Variants in NAALADL2 observed in about 807,000 individuals in gnomAD.
The protein encoded by NAALADL2 is inactive N-acetylated-alpha-linked acidic dipeptidase-like protein 2.
In NAALADL2, 76 loss-of-function variants were observed where a neutral mutation model predicts 87.2. That is an observed-to-expected ratio of 0.87 (90% CI 0.72 to 1.05). The LOEUF is 1.05. Ranked by LOEUF, NAALADL2 falls within the 50% of genes least tolerant of loss-of-function variation. NAALADL2 has a pLI of 0.00. For missense variants in NAALADL2, 1,089 were observed against 945.8 expected (o/e 1.15, Z -1.99); for synonymous variants, 354 against 331.0 (o/e 1.07, Z -0.75).
At chr3:174,698,192 T>C (rs1729210118) in intron 2 of NAALADL2, among the ~76,000 whole-genome samples, 1 of 151,992 alleles carries the variant, frequency 6.6e-6, no homozygotes, top group Non-Finnish European at 1.5e-5. Context: ...TAATATTGAG[T>C]TTAATACTAG....
At chr3:175,348,863 T>TATC (rs1180127564) in intron 5 of NAALADL2, among the ~76,000 whole-genome samples, 9 of 152,160 alleles carry the variant, frequency 5.9e-5, no homozygotes, top group African/African-American at 1.9e-4. Context: ...TTATAACGTG[T>TATC]ATCTATTTTT....
intron 1 of NAALADL2, among the ~76,000 whole-genome samples, chr3:174,931,674 C>T (rs1255458740): frequency 2.0e-5 from 3 of 152,074 alleles, no homozygotes; most frequent in African/African-American, 2.4e-5. Context: ...TCCAAGTTTG[C>T]TGGGTTGTAA....
intron 5 of NAALADL2, among the ~76,000 whole-genome samples, chr3:175,423,040 TATATATATATA>T (rs1716019069): frequency 8.9e-6 from 1 of 112,114 alleles, no homozygotes; most frequent in Non-Finnish European, 1.8e-5. Context: ...TATATATATA[TATATATATATA>T]TTTTTTTTTT....
intron 2 of NAALADL2, among the ~76,000 whole-genome samples, chr3:174,694,812 ATATAT>A (rs569314910): frequency 8.5e-4 from 130 of 152,176 alleles, no homozygotes; most frequent in South Asian, 5.8e-3. Context: ...CACAAATAAA[ATATAT>A]TAAAATAGAA....
At chr3:175,556,995 C>A (rs772024256) in intron 9 of NAALADL2, among the ~76,000 whole-genome samples, 2 of 152,166 alleles carry the variant, frequency 1.3e-5, no homozygotes, top group Non-Finnish European at 2.9e-5. Flanking sequence ...AGGGTTTACA[C>A]CAGCTCATTG....
chr3:175,267,112 C>A (rs1752060717), intron 4 of NAALADL2, among the ~76,000 whole-genome samples: 1 of 151,584 alleles, frequency 6.6e-6, no homozygotes, highest in Non-Finnish European at 1.5e-5. Context: ...ATATAACAGG[C>A]AGGCAAGCAT....
intron 1 of NAALADL2, among the ~76,000 whole-genome samples, chr3:174,925,430 A>G (rs1735867349): frequency 6.6e-6 from 1 of 152,104 alleles, no homozygotes; most frequent in Non-Finnish European, 1.5e-5. Flanking sequence ...ACTGGTCTAT[A>G]TCTCTGTTTT....
intron 11 of NAALADL2, among the ~76,000 whole-genome samples, chr3:175,649,278 G>A (rs1345153439): frequency 6.6e-6 from 1 of 151,952 alleles, no homozygotes; most frequent in African/African-American, 2.4e-5. Flanking sequence ...ACATAAAATA[G>A]TCTCACATTT....
At chr3:175,161,815 C>T (rs1303067730) in intron 2 of NAALADL2, among the ~76,000 whole-genome samples, 2 of 152,020 alleles carry the variant, frequency 1.3e-5, no homozygotes, top group Non-Finnish European at 2.9e-5. Flanking sequence ...AATGACTTGG[C>T]GGTCTGTGTC....
chr3:174,780,264 C>T (rs529688944), intron 3 of NAALADL2, among the ~76,000 whole-genome samples: 13 of 152,240 alleles, frequency 8.5e-5, no homozygotes, highest in Middle Eastern at 3.4e-3. Context: ...GGAGTTCACT[C>T]ACTATTTGGC....
intron 5 of NAALADL2, among the ~76,000 whole-genome samples, chr3:175,368,740 T>C (rs1560443949): frequency 6.6e-6 from 1 of 152,118 alleles, no homozygotes; most frequent in Non-Finnish European, 1.5e-5. Context: ...TTGTGTAGCC[T>C]CCTAAACAAC....
In NAALADL2 at chr3:175,808,804, A is replaced by T. The variant is rs1425034066; in HGVS notation, c.*5601A>T. ...AATGTCGGTCTTTTGTTCTAATTAA[A>T]GTACAAACGTGGCATCTGAATAGAA... On this transcript the variant is annotated 3_prime_UTR_variant, in exon 14 of 14. Transcript: ENST00000454872. 1 of 152,016 alleles carries T rather than the reference A, an allele frequency of 6.6e-6. No homozygotes were observed. Among genetic ancestry groups the T allele is most frequent in the Non-Finnish European group, 1.5e-5 (1 of 67,942 alleles). The allele number at this position is 152,016 out of a possible 1,614,324, so 9.4% of individuals were successfully genotyped here.
chr3:175,127,843 A>G (rs1173767103), intron 2 of NAALADL2, among the ~76,000 whole-genome samples: 1 of 152,106 alleles, frequency 6.6e-6, no homozygotes, highest in Non-Finnish European at 1.5e-5. Flanking sequence ...ACATAGCAAG[A>G]CCCTGTCTCT....
chr3:174,991,186 A>C (rs189028024), intron 1 of NAALADL2, among the ~76,000 whole-genome samples: 1 of 152,290 alleles, frequency 6.6e-6, no homozygotes, highest in African/African-American at 2.4e-5. Context: ...TCATTCATTC[A>C]ATAAGTTATT....
At chr3:175,137,605 C>A (rs1729307024) in intron 2 of NAALADL2, among the ~76,000 whole-genome samples, 1 of 105,460 alleles carries the variant, frequency 9.5e-6, no homozygotes, top group African/African-American at 3.2e-5. Flanking sequence ...AAGAGATTGA[C>A]CCTTTTTTTT....
At chr3:175,135,246 C>T (rs1728928292) in intron 2 of NAALADL2, among the ~76,000 whole-genome samples, 1 of 152,098 alleles carries the variant, frequency 6.6e-6, no homozygotes, top group Non-Finnish European at 1.5e-5. Context: ...TCTAATAGAG[C>T]ATCATAATTA....
intron 2 of NAALADL2, among the ~76,000 whole-genome samples, chr3:175,127,103 C>T (rs114910528): frequency 0.02 from 3,104 of 152,146 alleles, 51 homozygotes; most frequent in Admixed American, 0.031. Context: ...AAATGTTAGT[C>T]TGTTTGCCAC....
At chr3:174,905,426 G>A (rs1029365589) in intron 1 of NAALADL2, among the ~76,000 whole-genome samples, 7 of 151,010 alleles carry the variant, frequency 4.6e-5, no homozygotes, top group African/African-American at 1.2e-4. Context: ...CACAATTCAT[G>A]TATTTTCAGT....
At chr3:175,705,790 G>A (rs979870466) in intron 11 of NAALADL2, among the ~76,000 whole-genome samples, 2 of 152,064 alleles carry the variant, frequency 1.3e-5, no homozygotes, top group African/African-American at 4.8e-5. Context: ...AGTTAGAACA[G>A]GAGTTAGCTT....
Sources: allele counts gnomAD v4.1 joint callset (sites outside exome capture counted in the v4.1 genomes callset), GRCh38; gene constraint gnomAD v4.1.1; transcripts MANE v1.5; gene names NCBI Gene and HGNC (gene_info 2026-07-23, HGNC 2026-07-21).